CBR4: variants seen among roughly 807,000 people sequenced by gnomAD.
CBR4 encodes the protein carbonyl reductase 4.
A neutral mutation model predicts 21.0 loss-of-function variants in CBR4; 22 were observed. The observed-to-expected ratio is 1.05, with a 90% CI of 0.75 to 1.50. The LOEUF (loss-of-function observed/expected upper bound fraction) is 1.50, where lower values mean the gene tolerates loss of function less well. Among genes scored for constraint, CBR4 ranks in the 40% most tolerant of loss-of-function variants. The pLI is 0.00. For missense variants in CBR4, 302 were observed against 286.3 expected, an observed-to-expected ratio of 1.05 and a Z score of -0.40; for synonymous variants, 100 against 104.4, an observed-to-expected ratio of 0.96 and a Z score of 0.26.
chr4:168,949,432 T>G (rs993849893), intron 2 of CBR4, among the ~76,000 whole-genome samples: 1 of 152,196 alleles, frequency 6.6e-6, no homozygotes, highest in Admixed American at 6.5e-5. Flanking sequence ...GTGGGCATCC[T>G]TGTCTTGTTC....
intron 2 of CBR4, among the ~76,000 whole-genome samples, chr4:168,905,797 T>C (rs887963257): frequency 6.8e-6 from 1 of 147,272 alleles, no homozygotes; most frequent in African/African-American, 2.5e-5. Flanking sequence ...TTTCTTTTTT[T>C]TTTTTTTTTT....
chr4:168,896,470 CT>C, intron 2 of CBR4: 1 of 871,996 alleles, frequency 1.1e-6, no homozygotes. Context: ...AAAAGTTTCA[CT>C]TAAGGAAAAT....
intron 2 of CBR4, among the ~76,000 whole-genome samples, chr4:168,937,171 A>C (rs1255633839): frequency 6.6e-6 from 1 of 152,192 alleles, no homozygotes; most frequent in African/African-American, 2.4e-5. Flanking sequence ...ATTCTTAAAG[A>C]GAAGACTTTT....
intron 2 of CBR4, among the ~76,000 whole-genome samples, chr4:168,971,321 T>C (rs1160064847): frequency 2.0e-5 from 3 of 151,998 alleles, no homozygotes; most frequent in Non-Finnish European, 2.9e-5. Context: ...CAGGCTGGAG[T>C]GCAGTGGTGC....
In CBR4 at chr4:168,979,691, G is replaced by A. The variant is rs190704076; in HGVS notation, n.169+22380C>T. 4.8e-3 allele frequency among the ~76,000 whole-genome samples: 736 copies of A among 151,996 alleles called. 7 individuals carry two copies. Among genetic ancestry groups the A allele is most frequent in the Admixed American group, 7.2e-3 (110 of 15,292 alleles). On this transcript the variant is annotated intron_variant and non_coding_transcript_variant, in intron 2 of 3. Coordinates refer to the CBR4 transcript ENST00000509108. Reference sequence around the variant, plus strand: ...TCTCTCTTCCCTATGAGCCCCCACCGCCTACTCTTCACCATGTAGGGCCTC... The same window carrying A: ...TCTCTCTTCCCTATGAGCCCCCACCACCTACTCTTCACCATGTAGGGCCTC...
rs143610144 is a variant in CBR4 at position 168,910,609 on chromosome 4, A to G, written n.170-15844T>C. On this transcript the variant is annotated intron_variant and non_coding_transcript_variant, in intron 2 of 3. Transcript: ENST00000509108. ...GAGCATTGGCTTCATGCAAAACACAATGCTGCCCGGTGCTTTACAAGTATT... is the reference window on the plus strand; with the variant it reads ...GAGCATTGGCTTCATGCAAAACACAGTGCTGCCCGGTGCTTTACAAGTATT... 2.3e-3 allele frequency among the ~76,000 whole-genome samples: 350 copies of G among 152,298 alleles called. 2 individuals carry two copies. Among genetic ancestry groups the G allele is most frequent in the African/African-American group, 7.7e-3 (320 of 41,574 alleles).
chr4:168,952,496 T>C (rs1560960064), intron 2 of CBR4, among the ~76,000 whole-genome samples: 2 of 152,146 alleles, frequency 1.3e-5, no homozygotes, highest in Admixed American at 1.3e-4. Context: ...GAGCCCTGTT[T>C]TGTCATATTA....
At position 169,002,027 on chromosome 4, in the gene CBR4, A is replaced by C. The variant is rs1270456322; in HGVS notation, c.535+44T>G. 3 of 1,464,340 alleles carry C rather than the reference A, an allele frequency of 2.0e-6. No individual in the cohort carries two copies. The South Asian group carries it at 4.1e-5, about 20-fold the overall frequency. 90.7% of individuals were successfully genotyped at this position (1,464,340 alleles called of 1,614,324 possible). A position where few individuals can be genotyped will look rare whatever the true frequency, so the allele number is the denominator to read the frequency against. ...GTTCCAAATAATGGCTTCCCTATAA[A>C]ACAATAATCATAATCAAGTTATTTT... is the stretch of plus-strand genomic sequence containing the variant. On this transcript the variant is annotated intron_variant, in intron 4 of 4. Coordinates refer to ENST00000306193, the MANE Select transcript of CBR4 (RefSeq NM_032783.5).
intron 2 of CBR4, among the ~76,000 whole-genome samples, chr4:168,936,630 T>C (rs1173356737): frequency 6.6e-6 from 1 of 152,030 alleles, no homozygotes. Context: ...GAGAACTTCG[T>C]GAAGTATACA....
At chr4:168,949,863 CTT>C (rs978120259) in intron 2 of CBR4, among the ~76,000 whole-genome samples, 1 of 152,034 alleles carries the variant, frequency 6.6e-6, no homozygotes, top group African/African-American at 2.4e-5. Context: ...TTTTCTAGGA[CTT>C]TATCCATCTC....
chr4:168,910,869 T>C (rs1243463258), intron 2 of CBR4, among the ~76,000 whole-genome samples: 1 of 152,132 alleles, frequency 6.6e-6, no homozygotes, highest in Admixed American at 6.5e-5. Flanking sequence ...TGGTTAAATA[T>C]GAAAGAATTT....
At chr4:168,903,163 A>G (rs906935115) in intron 2 of CBR4, among the ~76,000 whole-genome samples, 1 of 152,188 alleles carries the variant, frequency 6.6e-6, no homozygotes. Context: ...GGTGACAAAC[A>G]TTTAACCTTT....
rs760101973 is a variant in CBR4 at position 168,988,796 on chromosome 4, G to C, written c.*1354C>G. On this transcript the variant is annotated 3_prime_UTR_variant, in exon 5 of 5. Coordinates refer to ENST00000306193, the MANE Select transcript of CBR4 (RefSeq NM_032783.5). ...TTTAAAATAATTTTTAAGGAACCCA[G>C]AATTTTTATTTAGAACACTGCTTTG... The C allele has an allele frequency of 1.3e-5, 12 of 953,286 alleles. No homozygotes were observed. Among genetic ancestry groups the C allele is most frequent in the Non-Finnish European group, 1.4e-5 (11 of 800,818 alleles). The allele number at this position is 953,286 out of a possible 1,614,324, so 59.1% of individuals were successfully genotyped here.
chr4:168,988,406 A>G lies in CBR4; in HGVS notation c.*1744T>C, dbSNP rs948107592. ...ATACTGCTTTCTACCCAAATCACCA[A>G]TTGAATCAGCCTCGCTCATGATTTC... On this transcript the variant is annotated 3_prime_UTR_variant, in exon 5 of 5. Transcript: ENST00000306193. 2.0e-6 allele frequency: 2 copies of G among 985,318 alleles called. No homozygotes were observed. Among genetic ancestry groups the G allele is most frequent in the Admixed American group, 6.1e-5 (1 of 16,268 alleles). The allele number at this position is 985,318 out of a possible 1,614,324, so 61.0% of individuals were successfully genotyped here.
chr4:168,971,436 A>ATTTTTTTTTTTTTT (rs70961566), intron 2 of CBR4, among the ~76,000 whole-genome samples: 70 of 114,074 alleles, frequency 6.1e-4, no homozygotes, highest in African/African-American at 1.4e-3. Context: ...TGCCCAGCTC[A>ATTTTTTTTTTTTTT]TTTTTTTTTT....
chr4:168,896,588 G>C, intron 2 of CBR4: 1 of 1,514,686 alleles, frequency 6.6e-7, no homozygotes, highest in East Asian at 2.5e-5. Flanking sequence ...GAGTCCTCTG[G>C]ATGGTCAAAA....
intron 2 of CBR4, among the ~76,000 whole-genome samples, chr4:168,941,711 C>G (rs1266750115): frequency 6.6e-6 from 1 of 152,186 alleles, no homozygotes; most frequent in Non-Finnish European, 1.5e-5. Context: ...TATTTCTCCA[C>G]AGTCGCCCCA....
rs9994025 is a variant in CBR4 at position 168,962,394 on chromosome 4, G to T, written n.169+39677C>A. 2.0e-5 allele frequency among the ~76,000 whole-genome samples: 3 copies of T among 152,040 alleles called. No homozygotes were observed. The South Asian group carries it at 6.2e-4, about 31-fold the overall frequency. On this transcript the variant is annotated intron_variant and non_coding_transcript_variant, in intron 2 of 3. Coordinates refer to the CBR4 transcript ENST00000509108. ...CACGTCAATGGATATCAGGATGGAA[G>T]GGGTTAGAAGAACTCAAGGTTGCTT...
At chr4:168,961,587 A>C (rs1310841257) in intron 2 of CBR4, among the ~76,000 whole-genome samples, 4 of 152,142 alleles carry the variant, frequency 2.6e-5, no homozygotes, top group Non-Finnish European at 5.9e-5. Context: ...ACTATATTTA[A>C]AAGAAAAGAA....
Sources: gnomAD v4.1 joint callset for allele counts (sites outside exome capture counted in the v4.1 genomes callset) on GRCh38, gnomAD v4.1.1 for gene constraint, MANE v1.5 for transcripts, NCBI Gene and HGNC (gene_info 2026-07-23, HGNC 2026-07-21) for gene names.